PTPRN2: variants seen among roughly 807,000 people sequenced by gnomAD.
PTPRN2 encodes protein tyrosine phosphatase receptor type N2.
A neutral mutation model predicts 118.8 loss-of-function variants in PTPRN2; 74 were observed. The observed-to-expected ratio is 0.62, with a 90% CI of 0.52 to 0.76. PTPRN2 has a LOEUF of 0.76. Among genes scored for constraint, PTPRN2 ranks in the 30% least tolerant of loss-of-function variants. The probability of loss-of-function intolerance (pLI) is 0.00; values close to 1 mark genes in which losing one functional copy is unlikely to be tolerated. For synonymous variants in PTPRN2, 641 were observed against 608.0 expected (o/e 1.05, Z -0.80); for missense variants, 1,481 against 1,394.4 (o/e 1.06, Z -0.99).
At chr7:158,547,730 C>T (rs976379063) in intron 1 of PTPRN2, among the ~76,000 whole-genome samples, 1 of 152,190 alleles carries the variant, frequency 6.6e-6, no homozygotes, top group Admixed American at 6.5e-5. Flanking sequence ...AGGGACTTTC[C>T]ATGCAGGGTC....
At chr7:158,248,208 T>C (rs78929549) in intron 3 of PTPRN2, among the ~76,000 whole-genome samples, 1 of 152,160 alleles carries the variant, frequency 6.6e-6, no homozygotes, top group Non-Finnish European at 1.5e-5. Flanking sequence ...CCCTTCCGTC[T>C]TGACACTCAA....
intron 22 of PTPRN2, among the ~76,000 whole-genome samples, chr7:157,545,823 C>T (rs1204812515): frequency 2.0e-5 from 3 of 152,154 alleles, no homozygotes; most frequent in Non-Finnish European, 4.4e-5. Context: ...CTTTCCTTGT[C>T]TTCAGTTCCA....
At chr7:158,373,824 G>A (rs1417419132) in intron 2 of PTPRN2, among the ~76,000 whole-genome samples, 4 of 152,212 alleles carry the variant, frequency 2.6e-5, no homozygotes, top group Admixed American at 2.6e-4. Flanking sequence ...GCTCTCATCC[G>A]GCAGCATCTG....
chr7:158,007,929 G>A (rs1400079609), intron 11 of PTPRN2, among the ~76,000 whole-genome samples: 1 of 151,432 alleles, frequency 6.6e-6, no homozygotes, highest in Non-Finnish European at 1.5e-5. Flanking sequence ...GTGAGGGTGT[G>A]TGTGGCTGTG....
chr7:157,818,022 G>A (rs943737550), intron 12 of PTPRN2, among the ~76,000 whole-genome samples: 1 of 151,914 alleles, frequency 6.6e-6, no homozygotes, highest in African/African-American at 2.4e-5. Flanking sequence ...TGCGGTGTGT[G>A]TATATATGTA....
chr7:157,849,434 G>T (rs1307921387), intron 12 of PTPRN2, among the ~76,000 whole-genome samples: 1 of 152,146 alleles, frequency 6.6e-6, no homozygotes, highest in Non-Finnish European at 1.5e-5. Flanking sequence ...GGTCTCCCAG[G>T]TCCCTGAGCC....
At chr7:158,494,465 G>C (rs1385904819) in intron 1 of PTPRN2, among the ~76,000 whole-genome samples, 2 of 152,232 alleles carry the variant, frequency 1.3e-5, no homozygotes, top group African/African-American at 4.8e-5. Flanking sequence ...GATGTGAGCT[G>C]GCATCCCACA....
intron 10 of PTPRN2, among the ~76,000 whole-genome samples, chr7:158,102,177 C>G (rs1365265933): frequency 6.6e-6 from 1 of 152,212 alleles, no homozygotes; most frequent in Non-Finnish European, 1.5e-5. Flanking sequence ...CCATCAGCAG[C>G]AGGGCGGCCA....
chr7:157,961,274 G>A (rs746609557), intron 11 of PTPRN2, among the ~76,000 whole-genome samples: 2 of 152,142 alleles, frequency 1.3e-5, no homozygotes, highest in Non-Finnish European at 2.9e-5. Context: ...GCTCATGCCT[G>A]TAATCCCAGC....
At chr7:157,838,607 C>T (rs1284998338) in intron 12 of PTPRN2, among the ~76,000 whole-genome samples, 2 of 99,660 alleles carry the variant, frequency 2.0e-5, no homozygotes, top group African/African-American at 1.0e-4. Context: ...TCCTCTCCAC[C>T]GTGGCTACTC....
chr7:158,336,538 G>C (rs78066115), intron 2 of PTPRN2, among the ~76,000 whole-genome samples: 1 of 126,428 alleles, frequency 7.9e-6, no homozygotes, highest in Non-Finnish European at 1.6e-5. Flanking sequence ...GGTGAAACCT[G>C]CCGACGTCAC....
intron 11 of PTPRN2, among the ~76,000 whole-genome samples, chr7:158,066,699 C>T (rs546463247): frequency 4.5e-4 from 68 of 152,150 alleles, no homozygotes; most frequent in African/African-American, 1.5e-3. Flanking sequence ...AAGTCCCTTA[C>T]GAATACATCC....
intron 5 of PTPRN2, among the ~76,000 whole-genome samples, chr7:158,171,149 T>TAC (rs1231977315): frequency 2.8e-5 from 2 of 71,726 alleles, no homozygotes; most frequent in African/African-American, 4.2e-5. Flanking sequence ...CACATATATA[T>TAC]ACACATATAT....
chr7:157,956,996 G>A lies in PTPRN2; in HGVS notation c.1724-58259C>T, dbSNP rs946437327. Among the ~76,000 whole-genome samples, 3 of 152,248 alleles carry A rather than the reference G, an allele frequency of 2.0e-5. No homozygotes were observed. In the East Asian group the frequency reaches 5.8e-4, roughly 29 times the overall value. On this transcript the variant is annotated intron_variant, in intron 11 of 22. Coordinates refer to ENST00000389418, the MANE Select transcript of PTPRN2 (RefSeq NM_002847.5). Reference sequence around the variant, plus strand: ...CTGTTTTGAATGGTGGACACCTAGAGAGTAAGAAGGAAAAGGGAAGGAAAG... The same window carrying A: ...CTGTTTTGAATGGTGGACACCTAGAAAGTAAGAAGGAAAAGGGAAGGAAAG...
chr7:157,913,122 A>G (rs1798192184), intron 11 of PTPRN2, among the ~76,000 whole-genome samples: 1 of 152,196 alleles, frequency 6.6e-6, no homozygotes, highest in Non-Finnish European at 1.5e-5. Flanking sequence ...TTTCCCCATA[A>G]AAGTCTTATA....
chr7:158,024,410 T>G (rs566634067), intron 11 of PTPRN2, among the ~76,000 whole-genome samples: 4 of 152,180 alleles, frequency 2.6e-5, no homozygotes, highest in Non-Finnish European at 5.9e-5. Context: ...CCTCCGTAAC[T>G]TCAAGATCTC....
chr7:158,376,437 G>T (rs531422472), intron 2 of PTPRN2, among the ~76,000 whole-genome samples: 3 of 149,426 alleles, frequency 2.0e-5, no homozygotes, highest in African/African-American at 7.4e-5. Flanking sequence ...CTGAGGGAGG[G>T]GTTCAGGGGA....
chr7:157,574,061 T>C (rs1003385174), intron 19 of PTPRN2, among the ~76,000 whole-genome samples: 1 of 152,188 alleles, frequency 6.6e-6, no homozygotes, highest in Non-Finnish European at 1.5e-5. Context: ...TGACCCAAGA[T>C]GTAGACCACG....
At chr7:157,847,845 C>A (rs1260152135) in intron 12 of PTPRN2, among the ~76,000 whole-genome samples, 3 of 149,828 alleles carry the variant, frequency 2.0e-5, no homozygotes, top group Non-Finnish European at 4.4e-5. Context: ...ATCATGTGTG[C>A]CCGATGTCTA....
Sources: gnomAD v4.1 joint callset for allele counts (sites outside exome capture counted in the v4.1 genomes callset) on GRCh38, gnomAD v4.1.1 for gene constraint, MANE v1.5 for transcripts, NCBI Gene and HGNC (gene_info 2026-07-23, HGNC 2026-07-21) for gene names.